DOP1A: variants seen among roughly 807,000 people sequenced by gnomAD.
DOP1A encodes the protein DOP1 leucine zipper like protein A.
DOP1A carries 90 observed loss-of-function variants against 267.6 expected under a neutral mutation model. The ratio of observed to expected loss-of-function variants is 0.34; its 90% CI spans 0.28 to 0.40. DOP1A has a LOEUF of 0.40. Among genes scored for constraint, DOP1A ranks in the 10% least tolerant of loss-of-function variants. The probability of loss-of-function intolerance (pLI) is 1.00; values close to 1 mark genes in which losing one functional copy is unlikely to be tolerated. For missense variants in DOP1A, 2,437 were observed against 2,900.4 expected, an observed-to-expected ratio of 0.84 and a Z score of 3.67; for synonymous variants, 932 against 999.1, an observed-to-expected ratio of 0.93 and a Z score of 1.27.
chr6:83,156,305 TGTG>T (rs1331378217), intron 34 of DOP1A, among the ~76,000 whole-genome samples: 5 of 152,112 alleles, frequency 3.3e-5, no homozygotes, highest in Non-Finnish European at 7.3e-5. Flanking sequence ...CTTGCCTAAA[TGTG>T]GTCTCTATTT....
At chr6:83,136,883 G>C (rs1049383577) in intron 20 of DOP1A, among the ~76,000 whole-genome samples, 1 of 152,018 alleles carries the variant, frequency 6.6e-6, no homozygotes, top group African/African-American at 2.4e-5. Flanking sequence ...TCTAAAAGAA[G>C]ACCGTCATTA....
chr6:83,117,199 G>A (rs1381113107), intron 7 of DOP1A, among the ~76,000 whole-genome samples: 1 of 149,626 alleles, frequency 6.7e-6, no homozygotes, highest in Non-Finnish European at 1.5e-5. Context: ...CACCTAGGCT[G>A]GAGTGCAGTG....
intron 13 of DOP1A, 58 bp from the exon 14 acceptor site, chr6:83,125,108 T>C: frequency 1.4e-6 from 2 of 1,478,042 alleles, no homozygotes; most frequent in Non-Finnish European, 1.8e-6. Context: ...ATGAAGACTT[T>C]TGGAAATCTT....
intron 37 of DOP1A, among the ~76,000 whole-genome samples, chr6:83,161,849 G>C (rs561161198): frequency 6.6e-6 from 1 of 151,992 alleles, no homozygotes; most frequent in Admixed American, 6.6e-5. Context: ...TATATTCTCA[G>C]ATGTGCACAA....
At position 83,138,463 on chromosome 6, in the gene DOP1A, T is replaced by G; in HGVS notation, c.4421T>G (p.Val1474Gly). The G allele has an allele frequency of 6.2e-7, 1 of 1,612,914 alleles. No individual in the cohort carries two copies. Among genetic ancestry groups the G allele is most frequent in the Non-Finnish European group, 8.5e-7 (1 of 1,179,906 alleles). Reference protein sequence around the residue: ...MRSHYPTHVKVTAQDLIGNRN... With the variant: ...MRSHYPTHVKGTAQDLIGNRN... ...AGCCATTACCCAACTCATGTCAAGG[T>G]TACTGCACAAGATTTAATAGGCAAT... The change falls in exon 21 of 39, where the codon GTT becomes GGT. Residue 1474 changes from valine (V) to glycine (G), a missense_variant. Physicochemically the swap from Val to Gly is moderately radical, Grantham distance 109. Transcript: ENST00000349129.
chr6:83,089,108 C>A lies in DOP1A; in HGVS notation c.-146-7623C>A, dbSNP rs146978948. On this transcript the variant is annotated intron_variant, in intron 1 of 38. Coordinates refer to ENST00000349129, the MANE Select transcript of DOP1A (RefSeq NM_015018.4). ...TCTTTGGAATTGAGTAATAATGAAT[C>A]TTTTCTCTTTTCAGCCCTCCCCCTG... Among the ~76,000 whole-genome samples the A allele has an allele frequency of 4.5e-3, 690 of 152,276 alleles. 6 individuals carry two copies. The highest frequency in any genetic ancestry group is 0.015 in the African/African-American group (609 of 41,544).
intron 1 of DOP1A, among the ~76,000 whole-genome samples, chr6:83,091,450 T>C (rs1177463331): frequency 6.6e-6 from 1 of 152,212 alleles, no homozygotes; most frequent in Non-Finnish European, 1.5e-5. Flanking sequence ...ATATGAAGTC[T>C]TTTTAATCAT....
At chr6:83,095,184 C>T (rs552031666) in intron 1 of DOP1A, among the ~76,000 whole-genome samples, 23 of 152,304 alleles carry the variant, frequency 1.5e-4, no homozygotes, top group African/African-American at 4.1e-4. Context: ...CCGCCTACCT[C>T]GGCCTCCTAA....
chr6:83,159,628 A>G, intron 36 of DOP1A, 168 bp from the exon 37 acceptor site: 1 of 762,280 alleles, frequency 1.3e-6, no homozygotes, highest in East Asian at 2.6e-5. Flanking sequence ...AGAAAAGTGA[A>G]TTTTTGATTT....
Position 83,135,742 on chromosome 6 carries a change from A to G in DOP1A, c.2994A>G (p.Leu998=), listed in dbSNP as rs370891066. ...HDIARVLEPL[L]LLLLHPKTQR... is the part of the protein sequence containing the mutation. ...TTGCACGAGTTTTGGAACCATTGCT[A>G]TTGCTCCTGCTTCATCCAAAAACTC... The change falls in exon 20 of 39, where the codon CTA becomes CTG. Residue 998 remains leucine (L), a synonymous_variant. Coordinates refer to ENST00000349129, the MANE Select transcript of DOP1A (RefSeq NM_015018.4). The G allele has an allele frequency of 5.6e-6, 9 of 1,613,544 alleles. No homozygotes were observed. The African/African-American group carries it at 8.0e-5, about 14-fold the overall frequency.
chr6:83,152,508 G>T, intron 30 of DOP1A, 141 bp downstream of exon 30: 1 of 378,246 alleles, frequency 2.6e-6, no homozygotes. Flanking sequence ...TTAATATAAA[G>T]TTTTGGCCTT....
rs1778981550 is a variant in DOP1A at position 83,137,110 on chromosome 6, A to G, written c.3131-63A>G. On this transcript the variant is annotated intron_variant, in intron 20 of 38. Coordinates refer to ENST00000349129, the MANE Select transcript of DOP1A (RefSeq NM_015018.4). ...AAAATTTTGATCAGTCTACATTTCTACATTTCAATTATTTTAATGCATTTT... is the reference window on the plus strand; with the variant it reads ...AAAATTTTGATCAGTCTACATTTCTGCATTTCAATTATTTTAATGCATTTT... 8 of 1,408,336 alleles carry G rather than the reference A, an allele frequency of 5.7e-6. No individual in the cohort carries two copies. In the Middle Eastern group the frequency reaches 7.5e-4, roughly 132 times the overall value. 87.2% of individuals were successfully genotyped at this position (1,408,336 alleles called of 1,614,324 possible). A position where few individuals can be genotyped will look rare whatever the true frequency, so the allele number is the denominator to read the frequency against.
Position 83,074,158 on chromosome 6 carries a change from G to T in DOP1A, c.-147+6379G>T, listed in dbSNP as rs73752510. ...TGTGATTTTGGAAAGAATATTCAAA[G>T]ATTAACTTAAAATGCACTTGAAAAT... is the stretch of plus-strand genomic sequence containing the variant. On this transcript the variant is annotated intron_variant, in intron 1 of 38. Transcript: ENST00000349129. 2.4e-3 allele frequency among the ~76,000 whole-genome samples: 365 copies of T among 152,254 alleles called. 2 individuals carry two copies. Among genetic ancestry groups the T allele is most frequent in the African/African-American group, 8.3e-3 (345 of 41,552 alleles).
rs77014509 is a variant in DOP1A, at chr6:83,068,720, C to T, written c.-147+941C>T. On this transcript the variant is annotated intron_variant, in intron 1 of 38. Transcript: ENST00000349129. ...TTTTGTTTGTGGGTATTAATATGGT[C>T]TACAGTGAATAACATACGTCGGCAT... 4.0e-3 allele frequency among the ~76,000 whole-genome samples: 611 copies of T among 152,314 alleles called. 2 individuals are homozygous for T. Among genetic ancestry groups the T allele is most frequent in the African/African-American group, 0.014 (581 of 41,568 alleles).
At chr6:83,074,870 A>C (rs957545073) in intron 1 of DOP1A, among the ~76,000 whole-genome samples, 5 of 152,244 alleles carry the variant, frequency 3.3e-5, no homozygotes, top group Non-Finnish European at 5.9e-5. Flanking sequence ...CAGCAATGCT[A>C]AATGAAATGT....
rs759985646 is a variant in DOP1A at position 83,108,897 on chromosome 6, A to T, written c.321-13A>T. ...TTTTGCTTCCTTCTCCTTTGTCTTT[A>T]TTTTTTTAATAGTTCTGGATTATTT... On this transcript the variant is annotated splice_polypyrimidine_tract_variant and intron_variant, in intron 4 of 38. Transcript: ENST00000349129. 5.6e-6 allele frequency: 9 copies of T among 1,602,598 alleles called. No individual in the cohort carries two copies. The highest frequency in any genetic ancestry group is 7.7e-6 in the Non-Finnish European group (9 of 1,174,786).
chr6:83,084,951 AGTTAT>A (rs1372523780), intron 1 of DOP1A, among the ~76,000 whole-genome samples: 1 of 152,120 alleles, frequency 6.6e-6, no homozygotes, highest in African/African-American at 2.4e-5. Flanking sequence ...ACATTTAGAT[AGTTAT>A]GTTTAATACA....
At position 83,162,829 on chromosome 6, in the gene DOP1A, A is replaced by G. The variant is rs1464900705; in HGVS notation, c.7002A>G (p.Ser2334=). The stretch of plus-strand genomic sequence containing the variant: ...TTATTCCAGAAGCCTCAGATGATTC[A>G]GGTTTGGAAGTCAGAAGGCAGGGTA... ...WAFIPEASDD[S]GLEVRRQGIH... is the part of the protein sequence containing the mutation. The change falls in exon 38 of 39, where the codon TCA becomes TCG. Residue 2334 remains serine, a synonymous_variant. Coordinates refer to ENST00000349129, the MANE Select transcript of DOP1A (RefSeq NM_015018.4). The G allele has an allele frequency of 3.1e-6, 5 of 1,613,520 alleles. No homozygotes were observed. Among genetic ancestry groups the G allele is most frequent in the South Asian group, 1.1e-5 (1 of 91,000 alleles).
At chr6:83,162,150 C>T (rs1244039946) in intron 37 of DOP1A, among the ~76,000 whole-genome samples, 1 of 152,068 alleles carries the variant, frequency 6.6e-6, no homozygotes, top group Non-Finnish European at 1.5e-5. Flanking sequence ...GACGGACTTA[C>T]GAAGCTGACA....
Sources: gnomAD v4.1 joint callset for allele counts (sites outside exome capture counted in the v4.1 genomes callset) on GRCh38, gnomAD v4.1.1 for gene constraint, MANE v1.5 for transcripts, NCBI Gene and HGNC (gene_info 2026-07-23, HGNC 2026-07-21) for gene names.